Variants in CFAP77 observed in about 807,000 individuals in gnomAD.
The protein encoded by CFAP77 is cilia and flagella associated protein 77, also known as cilia- and flagella-associated protein 77.
In CFAP77, 25 loss-of-function variants were observed where a neutral mutation model predicts 31.1. The observed-to-expected ratio is 0.80, with a 90% CI of 0.59 to 1.12. The LOEUF is 1.12. CFAP77 is among the 50% of genes most tolerant of loss of function. The probability of loss-of-function intolerance (pLI) is 0.00; values close to 1 mark genes in which losing one functional copy is unlikely to be tolerated. For synonymous variants in CFAP77, 151 were observed against 159.9 expected (o/e 0.94, Z 0.42); for missense variants, 377 against 397.3 (o/e 0.95, Z 0.44).
At chr9:132,515,930 G>A (rs1362163170) in intron 3 of CFAP77, among the ~76,000 whole-genome samples, 1 of 152,218 alleles carries the variant, frequency 6.6e-6, no homozygotes, top group Non-Finnish European at 1.5e-5. Context: ...GGAAGAGAGA[G>A]AGGCACCAAG....
At chr9:132,513,455 C>T (rs976442411) in intron 3 of CFAP77, 2 of 1,346,076 alleles carry the variant, frequency 1.5e-6, no homozygotes, top group African/African-American at 1.5e-5. Context: ...TCCCCGTCTT[C>T]CCTGAGGACC....
intron 1 of CFAP77, among the ~76,000 whole-genome samples, chr9:132,433,991 T>A (rs1161836655): frequency 7.7e-6 from 1 of 130,138 alleles, no homozygotes; most frequent in East Asian, 2.0e-4. Context: ...AAAAAAAAAT[T>A]AGCTGGGCAT....
At chr9:132,482,841 T>C (rs1851471899) in intron 1 of CFAP77, among the ~76,000 whole-genome samples, 1 of 143,758 alleles carries the variant, frequency 7.0e-6, no homozygotes, top group Non-Finnish European at 1.5e-5. Context: ...TTAGGAGATA[T>C]ACCTAAGGCT....
At chr9:132,422,419 C>T (rs1850233188) in intron 1 of CFAP77, among the ~76,000 whole-genome samples, 1 of 152,212 alleles carries the variant, frequency 6.6e-6, no homozygotes, top group African/African-American at 2.4e-5. Context: ...AGGGAAGCCC[C>T]ACCTGGAAGA....
intron 5 of CFAP77, among the ~76,000 whole-genome samples, chr9:132,559,503 C>T (rs550241394): frequency 3.4e-4 from 52 of 152,062 alleles, no homozygotes; most frequent in East Asian, 1.5e-3. Context: ...CCCCCTACAA[C>T]GGCTAGAATA....
chr9:132,439,426 G>C (rs1214257252), intron 1 of CFAP77, among the ~76,000 whole-genome samples: 1 of 151,980 alleles, frequency 6.6e-6, no homozygotes, highest in African/African-American at 2.4e-5. Flanking sequence ...TGAAGCATCT[G>C]TCTGGTCACT....
rs796460067 is a variant in CFAP77 at position 132,497,480 on chromosome 9, G to A, written c.196-1215G>A. On this transcript the variant is annotated intron_variant, in intron 1 of 5. Coordinates refer to ENST00000393216, the MANE Select transcript of CFAP77 (RefSeq NM_001282957.2). The surrounding 1 kb of genome is among the most constrained non-coding windows in gnomAD (Gnocchi z 4.9). ...CTGTGGCCTGTGGCCTGTGGACAGT[G>A]GAAGGAGCAGCTGCACCCACCCTTC... 2.6e-5 allele frequency among the ~76,000 whole-genome samples: 4 copies of A among 152,328 alleles called. No homozygotes were observed. The highest frequency in any genetic ancestry group is 7.2e-5 in the African/African-American group (3 of 41,582).
intron 1 of CFAP77, among the ~76,000 whole-genome samples, chr9:132,483,734 C>T (rs1304855317): frequency 6.6e-6 from 1 of 152,174 alleles, no homozygotes; most frequent in African/African-American, 2.4e-5. Flanking sequence ...ACTCCCCACC[C>T]CATGCCCACC....
chr9:132,453,354 G>A (rs1011224051), intron 1 of CFAP77, among the ~76,000 whole-genome samples: 6 of 149,060 alleles, frequency 4.0e-5, no homozygotes, highest in Non-Finnish European at 8.9e-5. Context: ...GTGAAACTCC[G>A]TCTCTGCTAA....
intron 5 of CFAP77, among the ~76,000 whole-genome samples, chr9:132,568,106 A>G (rs549443691): frequency 2.0e-5 from 3 of 152,230 alleles, no homozygotes; most frequent in South Asian, 2.1e-4. Flanking sequence ...ATACTCCCCT[A>G]TGAAGAGCCA....
chr9:132,517,407 C>T lies in CFAP77; in HGVS notation c.524+17807C>T, dbSNP rs1333362596. On this transcript the variant is annotated intron_variant, in intron 3 of 5. Coordinates refer to ENST00000393216, the MANE Select transcript of CFAP77 (RefSeq NM_001282957.2). This position sits in a 1 kb window ranked among gnomAD's most constrained non-coding sequence, Gnocchi z 4.7. The stretch of plus-strand genomic sequence containing the variant: ...CTTGAGTGGAATCACGTTGAACAGA[C>T]CTCGGCGCTGTCATTGATTTTCCAG... Among the ~76,000 whole-genome samples, 12 of 152,214 alleles carry T rather than the reference C, an allele frequency of 7.9e-5. No homozygotes were observed. The highest frequency in any genetic ancestry group is 1.5e-4 in the Non-Finnish European group (10 of 68,028).
intron 5 of CFAP77, among the ~76,000 whole-genome samples, chr9:132,560,962 A>G (rs1852986358): frequency 6.6e-6 from 1 of 152,104 alleles, no homozygotes; most frequent in Non-Finnish European, 1.5e-5. Context: ...TTGCTCATCT[A>G]TTTTTGGACC....
intron 1 of CFAP77, among the ~76,000 whole-genome samples, chr9:132,426,983 C>T (rs985477100): frequency 1.3e-5 from 2 of 152,152 alleles, no homozygotes; most frequent in Non-Finnish European, 2.9e-5. Context: ...TAAAATGACA[C>T]CATCTAAATC....
At chr9:132,448,540 C>T (rs955127992) in intron 1 of CFAP77, among the ~76,000 whole-genome samples, 2 of 152,162 alleles carry the variant, frequency 1.3e-5, no homozygotes, top group Non-Finnish European at 2.9e-5. Flanking sequence ...TCTTAGAACA[C>T]AGGAAATGCT....
chr9:132,470,308 C>A (rs1851233553), intron 1 of CFAP77, among the ~76,000 whole-genome samples: 1 of 152,210 alleles, frequency 6.6e-6, no homozygotes, highest in African/African-American at 2.4e-5. Context: ...CCCTGGTTAT[C>A]CCCATTTTAC....
At chr9:132,559,556 A>G (rs756068809) in intron 5 of CFAP77, among the ~76,000 whole-genome samples, 6 of 152,160 alleles carry the variant, frequency 3.9e-5, no homozygotes, top group Admixed American at 6.5e-5. Context: ...ATATGGAGAA[A>G]TTGGAACACC....
At chr9:132,473,534 C>T (rs1851296809) in intron 1 of CFAP77, among the ~76,000 whole-genome samples, 2 of 152,200 alleles carry the variant, frequency 1.3e-5, no homozygotes, top group South Asian at 4.1e-4. Flanking sequence ...ACTGTATACT[C>T]ATCAGGATAC....
intron 1 of CFAP77, among the ~76,000 whole-genome samples, chr9:132,437,962 C>T (rs949043439): frequency 6.3e-4 from 95 of 151,612 alleles, no homozygotes; most frequent in African/African-American, 2.1e-3. Flanking sequence ...GTAATCCCAG[C>T]ACTTTGGGAG....
intron 3 of CFAP77, among the ~76,000 whole-genome samples, chr9:132,536,443 G>C (rs1852546413): frequency 6.7e-6 from 1 of 148,310 alleles, no homozygotes; most frequent in Non-Finnish European, 1.5e-5. Flanking sequence ...GCCCAGGCTG[G>C]AGTGCAGTGA....
Sources: allele counts gnomAD v4.1 joint callset (sites outside exome capture counted in the v4.1 genomes callset), GRCh38; gene constraint gnomAD v4.1.1; non-coding constraint Gnocchi (gnomAD v3.1); transcripts MANE v1.5; gene names NCBI Gene and HGNC (gene_info 2026-07-23, HGNC 2026-07-21).